AGPAT4: variants seen among roughly 807,000 people sequenced by gnomAD.
AGPAT4 encodes 1-acyl-sn-glycerol-3-phosphate acyltransferase delta.
In AGPAT4, 15 loss-of-function variants were observed where a neutral mutation model predicts 48.0. The ratio of observed to expected loss-of-function variants is 0.31; its 90% CI spans 0.21 to 0.48. AGPAT4 has a LOEUF of 0.48. AGPAT4 is among the 20% of genes least tolerant of loss of function. AGPAT4 has a pLI of 0.99. For synonymous variants in AGPAT4, 178 were observed against 198.7 expected (o/e 0.90, Z 0.88); for missense variants, 314 against 482.5 (o/e 0.65, Z 3.27).
At chr6:161,199,106 C>CA (rs59535516) in intron 2 of AGPAT4, among the ~76,000 whole-genome samples, 12,805 of 135,100 alleles carry the variant, frequency 0.095, 648 homozygotes, top group Non-Finnish European at 0.13. Flanking sequence ...AGAGGAATTA[C>CA]AAAAAAAAAA....
In AGPAT4 at chr6:161,204,343, T is replaced by A. The variant is rs1014168023; in HGVS notation, c.178+27693A>T. Among the ~76,000 whole-genome samples, 2 of 152,204 alleles carry A rather than the reference T, an allele frequency of 1.3e-5. No individual in the cohort carries two copies. The highest frequency in any genetic ancestry group is 2.9e-5 in the Non-Finnish European group (2 of 68,032). On this transcript the variant is annotated intron_variant, in intron 2 of 8. Transcript: ENST00000320285. This position sits in a 1 kb window ranked among gnomAD's most constrained non-coding sequence, Gnocchi z 4.4. ...CCCGAATACATTTTCAATCACTGCA[T>A]TCTCAAAATTTCTTTCAAACTGAAC... is the stretch of plus-strand genomic sequence containing the variant.
intron 2 of AGPAT4, among the ~76,000 whole-genome samples, chr6:161,168,566 G>A (rs990283409): frequency 1.3e-5 from 2 of 151,904 alleles, no homozygotes; most frequent in African/African-American, 4.8e-5. Flanking sequence ...GGTTCACCCC[G>A]ACCTTAGCCT....
At position 161,202,888 on chromosome 6, in the gene AGPAT4, G is replaced by C. The variant is rs1400954207; in HGVS notation, c.178+29148C>G. On this transcript the variant is annotated intron_variant, in intron 2 of 8. Coordinates refer to ENST00000320285, the MANE Select transcript of AGPAT4 (RefSeq NM_020133.3). This position sits in a 1 kb window ranked among gnomAD's most constrained non-coding sequence, Gnocchi z 5.4. ...TGCCATGGGGAAGCCTGGGCTATAT[G>C]GATAGGTTACTCCAGTTGACAGCCC... Among the ~76,000 whole-genome samples the C allele has an allele frequency of 2.6e-5, 4 of 152,182 alleles. No individual in the cohort carries two copies. The highest frequency in any genetic ancestry group is 5.9e-5 in the Non-Finnish European group (4 of 68,024).
Position 161,154,053 on chromosome 6 carries a change from C to A in AGPAT4, c.510+96G>T, listed in dbSNP as rs1228573012. The A allele has an allele frequency of 1.3e-6, 2 of 1,526,230 alleles. No individual in the cohort carries two copies. Among genetic ancestry groups the A allele is most frequent in the Middle Eastern group, 1.7e-4 (1 of 5,874 alleles). 94.5% of individuals were successfully genotyped at this position (1,526,230 alleles called of 1,614,324 possible). A position where few individuals can be genotyped will look rare whatever the true frequency, so the allele number is the denominator to read the frequency against. The stretch of plus-strand genomic sequence containing the variant: ...CACACAGCCCTGGAGTCGCACAGGA[C>A]CACACAGTCACGTGTCCTGTGGAAG... On this transcript the variant is annotated intron_variant, in intron 4 of 8. Transcript: ENST00000320285. This position sits in a 1 kb window ranked among gnomAD's most constrained non-coding sequence, Gnocchi z 7.8.
chr6:161,272,385 T>C lies in AGPAT4; in HGVS notation c.-90+1553A>G, dbSNP rs909285098. Among the ~76,000 whole-genome samples the C allele has an allele frequency of 6.6e-6, 1 of 152,198 alleles. No individual in the cohort carries two copies. Among genetic ancestry groups the C allele is most frequent in the Non-Finnish European group, 1.5e-5 (1 of 68,022 alleles). ...TAAGAGTCATGAATGGGATTACTACTTATCTATTTTATAAAAGCTAATTAT... is the reference window on the plus strand; with the variant it reads ...TAAGAGTCATGAATGGGATTACTACCTATCTATTTTATAAAAGCTAATTAT... On this transcript the variant is annotated intron_variant, in intron 1 of 8. Coordinates refer to ENST00000320285, the MANE Select transcript of AGPAT4 (RefSeq NM_020133.3). The surrounding 1 kb of genome is among the most constrained non-coding windows in gnomAD (Gnocchi z 4.2).
Position 161,218,424 on chromosome 6 carries a change from G to C in AGPAT4, c.178+13612C>G, listed in dbSNP as rs545907717. On this transcript the variant is annotated intron_variant, in intron 2 of 8. Coordinates refer to ENST00000320285, the MANE Select transcript of AGPAT4 (RefSeq NM_020133.3). The surrounding 1 kb of genome is among the most constrained non-coding windows in gnomAD (Gnocchi z 4.7). ...ACTCCCTCTGCTGGCATGATGGTCTGACTAAGTGGGGAAATCACAGCAAGA... is the reference window on the plus strand; with the variant it reads ...ACTCCCTCTGCTGGCATGATGGTCTCACTAAGTGGGGAAATCACAGCAAGA... Among the ~76,000 whole-genome samples, 1 of 152,348 alleles carries C rather than the reference G, an allele frequency of 6.6e-6. No individual in the cohort carries two copies. The highest frequency in any genetic ancestry group is 2.1e-4 in the South Asian group (1 of 4,826).
rs534947165 is a variant in AGPAT4 at position 161,261,708 on chromosome 6, T to C, written c.-90+12230A>G. 6.6e-6 allele frequency among the ~76,000 whole-genome samples: 1 copy of C among 152,374 alleles called. No individual in the cohort carries two copies. Among genetic ancestry groups the C allele is most frequent in the African/African-American group, 2.4e-5 (1 of 41,590 alleles). On this transcript the variant is annotated intron_variant, in intron 1 of 8. Transcript: ENST00000320285. This position sits in a 1 kb window ranked among gnomAD's most constrained non-coding sequence, Gnocchi z 5.3. ...CAGTAATTGAGCTCTACCTCTTTTCTAGGAATACATGTTTGTAAGGGGGTT... is the reference window on the plus strand; with the variant it reads ...CAGTAATTGAGCTCTACCTCTTTTCCAGGAATACATGTTTGTAAGGGGGTT...
intron 2 of AGPAT4, among the ~76,000 whole-genome samples, chr6:161,211,687 GA>G (rs889572822): frequency 2.9e-4 from 44 of 152,136 alleles, no homozygotes; most frequent in African/African-American, 9.9e-4. Flanking sequence ...GTTTACTTAG[GA>G]AAAAACTGAA....
chr6:161,203,474 C>T (rs1170006907), intron 2 of AGPAT4, among the ~76,000 whole-genome samples: 1 of 149,454 alleles, frequency 6.7e-6, no homozygotes, highest in Non-Finnish European at 1.5e-5. Flanking sequence ...CTGCAACCTC[C>T]ACCTCCTGGG....
Position 161,149,795 on chromosome 6 carries a change from G to GCCTCCC in AGPAT4, c.665-512_665-507dup, listed in dbSNP as rs1185176707. Among the ~76,000 whole-genome samples, 2 of 152,136 alleles carry GCCTCCC rather than the reference G, an allele frequency of 1.3e-5. No homozygotes were observed. Among genetic ancestry groups the GCCTCCC allele is most frequent in the African/African-American group, 2.4e-5 (1 of 41,426 alleles). On this transcript the variant is annotated intron_variant, in intron 5 of 8. Coordinates refer to ENST00000320285, the MANE Select transcript of AGPAT4 (RefSeq NM_020133.3). The surrounding 1 kb of genome is among the most constrained non-coding windows in gnomAD (Gnocchi z 6.5). ...GACCTCAAGTGCTCTGCCCGCCTCA[G>GCCTCCC]CCTCCCAAAGTGCTGGGATTACAGG...
intron 2 of AGPAT4, among the ~76,000 whole-genome samples, chr6:161,203,381 C>CTTTTTCTTTTTT (rs1781289831): frequency 1.8e-5 from 2 of 110,768 alleles, no homozygotes; most frequent in East Asian, 2.9e-4. Flanking sequence ...CTTTTTCTTT[C>CTTTTTCTTTTTT]TTTTTTTTTT....
chr6:161,234,238 A>G lies in AGPAT4; in HGVS notation c.-89-1936T>C, dbSNP rs1782204808. Among the ~76,000 whole-genome samples the G allele has an allele frequency of 1.3e-5, 2 of 152,218 alleles. No individual in the cohort carries two copies. The highest frequency in any genetic ancestry group is 1.3e-4 in the Admixed American group (2 of 15,288). Reference sequence around the variant, plus strand: ...AGGCATGTTTGCACTTACTGGGACTATCCAGAAGGCAGGCTGCATTCCTGC... The same window carrying G: ...AGGCATGTTTGCACTTACTGGGACTGTCCAGAAGGCAGGCTGCATTCCTGC... On this transcript the variant is annotated intron_variant, in intron 1 of 8. Transcript: ENST00000320285. This position sits in a 1 kb window ranked among gnomAD's most constrained non-coding sequence, Gnocchi z 4.4.
rs1779447199 is a variant in AGPAT4, at chr6:161,146,857, G to A, written c.768-258C>T. 6.6e-6 allele frequency among the ~76,000 whole-genome samples: 1 copy of A among 152,164 alleles called. No homozygotes were observed. Among genetic ancestry groups the A allele is most frequent in the African/African-American group, 2.4e-5 (1 of 41,434 alleles). On this transcript the variant is annotated intron_variant, in intron 6 of 8. Transcript: ENST00000320285. The surrounding 1 kb of genome is among the most constrained non-coding windows in gnomAD (Gnocchi z 7.1). Reference sequence around the variant, plus strand: ...ACAGACAGATGCTGTGAGAACAGGGGACACCTGCCTCATTCCGTCTTCCCT... The same window carrying A: ...ACAGACAGATGCTGTGAGAACAGGGAACACCTGCCTCATTCCGTCTTCCCT...
At position 161,153,494 on chromosome 6, in the gene AGPAT4, C is replaced by A. The variant is rs1440111135; in HGVS notation, c.516G>T (p.Leu172=). 6.2e-7 allele frequency: 1 copy of A among 1,613,612 alleles called. No homozygotes were observed. Among genetic ancestry groups the A allele is most frequent in the African/African-American group, 1.3e-5 (1 of 75,060 alleles). ...TGAACCGTGTGCCCTCACAGTGAAT[C>A]AGGAACTGGAAGGAAGGAGGCAGGA... ...LRDYPEKYFF[L]IHCEGTRFTE... The change falls in exon 5 of 9, where the codon CTG becomes CTT. Residue 172 remains leucine, a synonymous_variant. Transcript: ENST00000320285.
intron 2 of AGPAT4, among the ~76,000 whole-genome samples, chr6:161,205,890 C>T (rs903670936): frequency 9.2e-5 from 14 of 152,164 alleles, no homozygotes; most frequent in African/African-American, 2.9e-4. Flanking sequence ...AGAGTAGGCA[C>T]ACTTCTTCCT....
chr6:161,184,001 A>G lies in AGPAT4; in HGVS notation c.179-17584T>C. Among the ~76,000 whole-genome samples the G allele has an allele frequency of 6.6e-6, 1 of 152,048 alleles. No individual in the cohort carries two copies. The highest frequency in any genetic ancestry group is 1.9e-4 in the East Asian group (1 of 5,158). On this transcript the variant is annotated intron_variant, in intron 2 of 8. Transcript: ENST00000320285. The surrounding 1 kb of genome is among the most constrained non-coding windows in gnomAD (Gnocchi z 4.8). Reference sequence around the variant, plus strand: ...CTTACTCTTGGTGAGACAGGAAGTCACTGGAAGTTTAGCGTGATGTATGAC... The same window carrying G: ...CTTACTCTTGGTGAGACAGGAAGTCGCTGGAAGTTTAGCGTGATGTATGAC...
rs1778997156 is a variant in AGPAT4, at chr6:161,134,400, G to GA, written c.*2139dup. ...GTGTTGAATGGAAGAATGAAAATGAGAAAAATAACACATTTTTAGTACGAC... is the reference window on the plus strand; with the variant it reads ...GTGTTGAATGGAAGAATGAAAATGAGAAAAAATAACACATTTTTAGTACGAC... On this transcript the variant is annotated 3_prime_UTR_variant, in exon 9 of 9. Transcript: ENST00000320285. 6.6e-6 allele frequency: 1 copy of GA among 152,166 alleles called. No individual in the cohort carries two copies. Among genetic ancestry groups the GA allele is most frequent in the Non-Finnish European group, 1.5e-5 (1 of 68,036 alleles). The allele number at this position is 152,166 out of a possible 1,614,324, so 9.4% of individuals were successfully genotyped here. A position where few individuals can be genotyped will look rare whatever the true frequency, so the allele number is the denominator to read the frequency against.
rs1782232279 is a variant in AGPAT4 at position 161,234,947 on chromosome 6, G to A, written c.-89-2645C>T. Among the ~76,000 whole-genome samples, 1 of 151,964 alleles carries A rather than the reference G, an allele frequency of 6.6e-6. No individual in the cohort carries two copies. The highest frequency in any genetic ancestry group is 2.4e-5 in the African/African-American group (1 of 41,340). ...CGTAAAACCCTCACTAGCAATGCAT[G>A]AACCAGGGTCTCAGATAGCATTGGT... On this transcript the variant is annotated intron_variant, in intron 1 of 8. Transcript: ENST00000320285. This position sits in a 1 kb window ranked among gnomAD's most constrained non-coding sequence, Gnocchi z 4.4.
At chr6:161,260,305 A>T (rs753222197) in intron 1 of AGPAT4, among the ~76,000 whole-genome samples, 5 of 152,184 alleles carry the variant, frequency 3.3e-5, no homozygotes, top group African/African-American at 4.8e-5. Context: ...AAGATAAGAA[A>T]TTCAAGTTGT....
Sources: allele counts gnomAD v4.1 joint callset (sites outside exome capture counted in the v4.1 genomes callset), GRCh38; gene constraint gnomAD v4.1.1; non-coding constraint Gnocchi (gnomAD v3.1); transcripts MANE v1.5; gene names NCBI Gene and HGNC (gene_info 2026-07-23, HGNC 2026-07-21).